ACVR2B: variants seen among roughly 807,000 people sequenced by gnomAD.
ACVR2B encodes the protein activin receptor type-2B.
A neutral mutation model predicts 65.1 loss-of-function variants in ACVR2B; 18 were observed. The observed-to-expected ratio is 0.28, with a 90% CI of 0.19 to 0.41. The LOEUF (loss-of-function observed/expected upper bound fraction) is 0.41, where lower values mean the gene tolerates loss of function less well. ACVR2B is among the 10% of genes least tolerant of loss of function. ACVR2B has a pLI of 1.00. For synonymous variants in ACVR2B, 298 were observed against 277.7 expected, an observed-to-expected ratio of 1.07 and a Z score of -0.73; for missense variants, 482 against 682.7, an observed-to-expected ratio of 0.71 and a Z score of 3.28.
rs980290467 is a variant in ACVR2B, at chr3:38,477,542, T to C, written c.260+48T>C. ...TTCCTCTTGGACCCACCTGCGCTTA[T>C]ACTGCCCACTGGGCCATTTGGGTCT... is the stretch of plus-strand genomic sequence containing the variant. On this transcript the variant is annotated intron_variant, in intron 2 of 10. Coordinates refer to ENST00000352511, the MANE Select transcript of ACVR2B (RefSeq NM_001106.4). This position sits in a 1 kb window ranked among gnomAD's most constrained non-coding sequence, Gnocchi z 6.7. The C allele has an allele frequency of 2.5e-6, 4 of 1,588,200 alleles. No homozygotes were observed. Among genetic ancestry groups the C allele is most frequent in the Non-Finnish European group, 3.4e-6 (4 of 1,165,466 alleles).
At position 38,484,571 on chromosome 3, in the gene ACVR2B, A is replaced by G. The variant is rs1710082296; in HGVS notation, c.*1239A>G. Reference sequence around the variant, plus strand: ...ACATATTCTAAAAAACTGTTTTTCTATTATGCCATAACCTTGCTCTAGTCA... The same window carrying G: ...ACATATTCTAAAAAACTGTTTTTCTGTTATGCCATAACCTTGCTCTAGTCA... On this transcript the variant is annotated 3_prime_UTR_variant, in exon 11 of 11. Transcript: ENST00000352511. 1.3e-5 allele frequency: 2 copies of G among 152,496 alleles called. No homozygotes were observed. Among genetic ancestry groups the G allele is most frequent in the African/African-American group, 4.8e-5 (2 of 41,440 alleles). The allele number at this position is 152,496 out of a possible 1,614,324, so 9.4% of individuals were successfully genotyped here. A position where few individuals can be genotyped will look rare whatever the true frequency, so the allele number is the denominator to read the frequency against.
intron 1 of ACVR2B, among the ~76,000 whole-genome samples, chr3:38,469,088 C>T (rs1559649268): frequency 6.6e-6 from 1 of 152,206 alleles, no homozygotes; most frequent in Non-Finnish European, 1.5e-5. Context: ...GGAGCTCCTC[C>T]TGTCACCTTG....
In ACVR2B at chr3:38,477,475, G is replaced by T; in HGVS notation, c.241G>T (p.Asp81Tyr). The stretch of plus-strand genomic sequence containing the variant: ...CGTGAAGAAGGGCTGCTGGCTAGAT[G>T]ACTTCAACTGCTACGATAGGTACCC... ...ELVKKGCWLD[D>Y]FNCYDRQECV... The change falls in exon 2 of 11, where the codon GAC becomes TAC. Residue 81 changes from aspartate (D) to tyrosine (Y), a missense_variant. Around this residue, in one of 5 missense-constraint regions of ACVR2B, gnomAD observed 85 missense variants for 137.3 expected, o/e 0.62. Coordinates refer to ENST00000352511, the MANE Select transcript of ACVR2B (RefSeq NM_001106.4). The surrounding 1 kb of genome is among the most constrained non-coding windows in gnomAD (Gnocchi z 6.7). 6.2e-7 allele frequency: 1 copy of T among 1,614,070 alleles called. No individual in the cohort carries two copies. Among genetic ancestry groups the T allele is most frequent in the Non-Finnish European group, 8.5e-7 (1 of 1,179,972 alleles).
chr3:38,477,519 C>T lies in ACVR2B; in HGVS notation c.260+25C>T, dbSNP rs554029329. 280 of 1,608,732 alleles carry T rather than the reference C, an allele frequency of 1.7e-4. 2 individuals carry two copies. The South Asian group carries it at 3.0e-3, about 17-fold the overall frequency. The stretch of plus-strand genomic sequence containing the variant: ...GGTACCCCAAGACTTGCCCTCCTTT[C>T]CTCTTGGACCCACCTGCGCTTATAC... On this transcript the variant is annotated intron_variant, in intron 2 of 10. Transcript: ENST00000352511. The surrounding 1 kb of genome is among the most constrained non-coding windows in gnomAD (Gnocchi z 6.7).
intron 1 of ACVR2B, among the ~76,000 whole-genome samples, chr3:38,463,024 A>G (rs1709674014): frequency 1.3e-5 from 2 of 152,120 alleles, no homozygotes; most frequent in African/African-American, 4.8e-5. Context: ...GCCTGGTTTC[A>G]TGAAGGGTGC....
chr3:38,478,159 C>T lies in ACVR2B; in HGVS notation c.389C>T (p.Pro130Leu), dbSNP rs539715843. Residue 130 changes from proline (P) to leucine (L), a missense_variant, in exon 4 of 11, where the codon CCG (proline) becomes CTG (leucine). Coordinates refer to ENST00000352511, the MANE Select transcript of ACVR2B (RefSeq NM_001106.4). Reference sequence around the variant, plus strand: ...CCCCCAGTCACGTACGAGCCACCCCCGACAGCCCCCACCCTGCTCACGGTG... The same window carrying T: ...CCCCCAGTCACGTACGAGCCACCCCTGACAGCCCCCACCCTGCTCACGGTG... The part of the protein sequence containing the change: ...GGPEVTYEPP[P>L]TAPTLLTVLA... The T allele has an allele frequency of 2.5e-5, 41 of 1,612,430 alleles. No individual in the cohort carries two copies. The highest frequency in any genetic ancestry group is 6.7e-5 in the East Asian group (3 of 44,872).
chr3:38,481,590 T>C lies in ACVR2B; in HGVS notation c.1074+125T>C. On this transcript the variant is annotated intron_variant, in intron 8 of 10. Transcript: ENST00000352511. The surrounding 1 kb of genome is among the most constrained non-coding windows in gnomAD (Gnocchi z 4.7). The stretch of plus-strand genomic sequence containing the variant: ...CATGCGTTCAGAGCTGTCTGAGAAC[T>C]TAGAGCAATGCTCTTGTTTGACCAG... 1.3e-6 allele frequency: 1 copy of C among 781,814 alleles called. No individual in the cohort carries two copies. Among genetic ancestry groups the C allele is most frequent in the Non-Finnish European group, 2.2e-6 (1 of 450,180 alleles). The allele number at this position is 781,814 out of a possible 1,614,324, so 48.4% of individuals were successfully genotyped here.
chr3:38,478,660 T>A, intron 5 of ACVR2B, 142 bp downstream of exon 5: 1 of 1,173,174 alleles, frequency 8.5e-7, no homozygotes, highest in South Asian at 1.4e-5. Context: ...TAGTTACTCA[T>A]GTTACACTTG....
Position 38,479,801 on chromosome 3 carries a change from G to A in ACVR2B, c.934G>A (p.Gly312Ser). 1 of 1,614,228 alleles carries A rather than the reference G, an allele frequency of 6.2e-7. No homozygotes were observed. The highest frequency in any genetic ancestry group is 8.5e-7 in the Non-Finnish European group (1 of 1,180,040). Residue 312 changes from glycine to serine, a missense_variant, in exon 7 of 11, where the codon GGC becomes AGC. Coordinates refer to ENST00000352511, the MANE Select transcript of ACVR2B (RefSeq NM_001106.4). The part of the protein sequence containing the change: ...HEDVPWCRGE[G>S]HKPSIAHRDF... ...GGATGTGCCCTGGTGCCGTGGCGAG[G>A]GCCACAAGCCGTCTATTGCCCACAG...
intron 1 of ACVR2B, among the ~76,000 whole-genome samples, chr3:38,456,042 A>AGGCAG (rs1168376055): frequency 1.3e-5 from 2 of 152,134 alleles, no homozygotes; most frequent in Non-Finnish European, 2.9e-5. Context: ...CTCCCTCCTT[A>AGGCAG]GGCAGGGCAG....
At chr3:38,466,305 TGTAGTTAGCAA>T (rs775597306) in intron 1 of ACVR2B, among the ~76,000 whole-genome samples, 10,725 of 152,102 alleles carry the variant, frequency 0.071, 548 homozygotes, top group East Asian at 0.23. Context: ...GTAGGGTGCT[TGTAGTTAGCAA>T]GAATGTATGG....
chr3:38,482,083 T>C (rs1710026184), intron 8 of ACVR2B, 115 bp from the exon 9 acceptor site: 8 of 1,369,764 alleles, frequency 5.8e-6, no homozygotes, highest in Non-Finnish European at 8.3e-6. Flanking sequence ...TGATAACCTG[T>C]CTGAATTGCT....
chr3:38,460,195 G>A (rs1709619000), intron 1 of ACVR2B, among the ~76,000 whole-genome samples: 1 of 152,018 alleles, frequency 6.6e-6, no homozygotes, highest in South Asian at 2.1e-4. Flanking sequence ...CCTTCCCTCC[G>A]GTTCTATCAC....
chr3:38,474,046 T>G (rs1199653809), intron 1 of ACVR2B: 2 of 152,266 alleles, frequency 1.3e-5, no homozygotes, highest in Admixed American at 6.5e-5. Flanking sequence ...CATGCCTGGC[T>G]CATTTTTGTA....
intron 1 of ACVR2B, 29 bp downstream of exon 1, chr3:38,454,403 C>T (rs1370745723): frequency 2.4e-6 from 3 of 1,245,192 alleles, no homozygotes; most frequent in Non-Finnish European, 3.0e-6. Flanking sequence ...GCGGGGACGC[C>T]GAGAGGGCGC....
At position 38,459,684 on chromosome 3, in the gene ACVR2B, C is replaced by T. The variant is rs963227408; in HGVS notation, c.52+5310C>T. The T allele has an allele frequency of 4.1e-6, 4 of 985,082 alleles. No homozygotes were observed. In the African/African-American group the frequency reaches 7.0e-5, roughly 17 times the overall value. The allele number at this position is 985,082 out of a possible 1,614,324, so 61.0% of individuals were successfully genotyped here. On this transcript the variant is annotated intron_variant, in intron 1 of 10. Transcript: ENST00000352511. ...ACCAGGGCAGGTGGGCAGCCTCTCC[C>T]CAAAGGTATGGGTGCAAGTCTCTCC...
intron 1 of ACVR2B, among the ~76,000 whole-genome samples, chr3:38,472,334 G>T (rs1319795339): frequency 6.6e-6 from 1 of 152,206 alleles, no homozygotes; most frequent in African/African-American, 2.4e-5. Flanking sequence ...CAGACTCAGG[G>T]CTGCCTTTCG....
rs1286729936 is a variant in ACVR2B, at chr3:38,478,420, C to T, written c.568C>T (p.Leu190=). 1.2e-6 allele frequency: 2 copies of T among 1,614,166 alleles called. No individual in the cohort carries two copies. The highest frequency in any genetic ancestry group is 3.3e-5 in the Admixed American group (2 of 60,030). Residue 190 remains leucine (L), a synonymous_variant, in exon 5 of 11, where the codon CTG becomes TTG. Transcript: ENST00000352511. ...ATCCCCTCTGGTGGGCCTGAAGCCA[C>T]TGCAGCTGCTGGAGATCAAGGCTCG... ...PPSPLVGLKP[L]QLLEIKARGR...
At chr3:38,473,411 C>T (rs1165257081) in intron 1 of ACVR2B, 3 of 152,334 alleles carry the variant, frequency 2.0e-5, no homozygotes, top group African/African-American at 7.2e-5. Context: ...CATGGATGCC[C>T]TGGCTTCCTG....
Sources: allele counts gnomAD v4.1 joint callset (sites outside exome capture counted in the v4.1 genomes callset), GRCh38; gene constraint gnomAD v4.1.1; regional missense constraint gnomAD v4.1.1; non-coding constraint Gnocchi (gnomAD v3.1); transcripts MANE v1.5; gene names NCBI Gene and HGNC (gene_info 2026-07-23, HGNC 2026-07-21).